The following TACR3 variants were observed in gnomAD, a reference collection of about 807,000 sequenced individuals.
The protein encoded by TACR3 is neuromedin-K receptor.
A neutral mutation model predicts 35.0 loss-of-function variants in TACR3; 34 were observed. The ratio of observed to expected loss-of-function variants is 0.97; its 90% CI spans 0.74 to 1.30. The LOEUF (loss-of-function observed/expected upper bound fraction) is 1.30. Ranked by LOEUF, TACR3 falls within the 50% of genes most tolerant of loss-of-function variation. The pLI is 0.00. For synonymous variants in TACR3, 233 were observed against 221.1 expected, an observed-to-expected ratio of 1.05 and a Z score of -0.48; for missense variants, 558 against 591.7, an observed-to-expected ratio of 0.94 and a Z score of 0.59.
chr4:103,669,561 T>C (rs61230422), intron 1 of TACR3, among the ~76,000 whole-genome samples: 2 of 152,110 alleles, frequency 1.3e-5, no homozygotes, highest in Non-Finnish European at 2.9e-5. Context: ...TGATATCTCA[T>C]TGTGGCTTTA....
intron 1 of TACR3, among the ~76,000 whole-genome samples, chr4:103,683,597 A>T (rs1722154349): frequency 6.6e-6 from 1 of 151,806 alleles, no homozygotes; most frequent in Non-Finnish European, 1.5e-5. Context: ...ACATATATAA[A>T]TAGATAAAAT....
rs946896390 is a variant in TACR3, at chr4:103,656,445, T to A, written c.738-101A>T. 4.5e-6 allele frequency: 5 copies of A among 1,110,052 alleles called. No individual in the cohort carries two copies. The South Asian group carries it at 5.1e-5, about 11-fold the overall frequency. 68.8% of individuals were successfully genotyped at this position (1,110,052 alleles called of 1,614,324 possible). A position where few individuals can be genotyped will look rare whatever the true frequency, so the allele number is the denominator to read the frequency against. On this transcript the variant is annotated intron_variant, in intron 2 of 4. Transcript: ENST00000304883. ...AAATCATAATTAAAACTACCAAGAG[T>A]TATTTCTACATTATCTCTATACATT... is the stretch of plus-strand genomic sequence containing the variant.
chr4:103,599,589 G>C (rs960378066), intron 3 of TACR3, among the ~76,000 whole-genome samples: 2 of 152,122 alleles, frequency 1.3e-5, no homozygotes, highest in African/African-American at 4.8e-5. Context: ...TTGGCTGTGG[G>C]TTTGTCATAG....
intron 3 of TACR3, among the ~76,000 whole-genome samples, chr4:103,624,063 T>C (rs1234029197): frequency 3.3e-5 from 5 of 152,208 alleles, no homozygotes; most frequent in African/African-American, 4.8e-5. Flanking sequence ...ATTTCATACT[T>C]GATTGTCTGC....
intron 1 of TACR3, among the ~76,000 whole-genome samples, chr4:103,695,986 TC>T (rs1398076414): frequency 6.6e-6 from 1 of 152,138 alleles, no homozygotes; most frequent in African/African-American, 2.4e-5. Flanking sequence ...CTGTTTTCTT[TC>T]TCCCTTTTTT....
At chr4:103,609,795 C>T (rs1388825329) in intron 3 of TACR3, among the ~76,000 whole-genome samples, 1 of 152,052 alleles carries the variant, frequency 6.6e-6, no homozygotes, top group East Asian at 1.9e-4. Flanking sequence ...AACCACTATT[C>T]TACTAGTGAT....
chr4:103,712,460 T>C (rs1302131981), intron 1 of TACR3, among the ~76,000 whole-genome samples: 1 of 152,158 alleles, frequency 6.6e-6, no homozygotes, highest in African/African-American at 2.4e-5. Context: ...TTACACCTTA[T>C]ACAAAAATTA....
At chr4:103,695,399 A>C (rs1388372340) in intron 1 of TACR3, among the ~76,000 whole-genome samples, 1 of 152,164 alleles carries the variant, frequency 6.6e-6, no homozygotes, top group Non-Finnish European at 1.5e-5. Flanking sequence ...CTACTCAACA[A>C]GATGATGAGA....
intron 3 of TACR3, among the ~76,000 whole-genome samples, chr4:103,607,258 G>T (rs1724397191): frequency 1.3e-5 from 2 of 152,060 alleles, no homozygotes; most frequent in Admixed American, 6.6e-5. Flanking sequence ...CATTGCCTAT[G>T]CATTATTCAT....
chr4:103,700,718 C>G (rs1227163675), intron 1 of TACR3, among the ~76,000 whole-genome samples: 1 of 152,186 alleles, frequency 6.6e-6, no homozygotes, highest in African/African-American at 2.4e-5. Flanking sequence ...AAGTGGGCTT[C>G]ATCCCTGGGA....
intron 1 of TACR3, among the ~76,000 whole-genome samples, chr4:103,691,245 C>T (rs1722396505): frequency 6.6e-6 from 1 of 152,122 alleles, no homozygotes; most frequent in South Asian, 2.1e-4. Flanking sequence ...AGCAGCCATA[C>T]AGTGGAATAC....
chr4:103,642,436 G>C (rs1725374730), intron 3 of TACR3, among the ~76,000 whole-genome samples: 1 of 151,546 alleles, frequency 6.6e-6, no homozygotes, highest in Non-Finnish European at 1.5e-5. Flanking sequence ...AAATACTGAA[G>C]AAAACGTGGT....
Position 103,589,464 on chromosome 4 carries a change from G to T in TACR3, c.*218C>A. 5 of 540,344 alleles carry T rather than the reference G, an allele frequency of 9.3e-6. No individual in the cohort carries two copies. The highest frequency in any genetic ancestry group is 1.3e-5 in the Non-Finnish European group (4 of 305,908). The allele number at this position is 540,344 out of a possible 1,614,324, so 33.5% of individuals were successfully genotyped here. The stretch of plus-strand genomic sequence containing the variant: ...CATATAATAATTTAGAGTTTTCAAA[G>T]AATAAATTTAAAGCCCATTTTATTT... On this transcript the variant is annotated 3_prime_UTR_variant, in exon 5 of 5. Coordinates refer to ENST00000304883, the MANE Select transcript of TACR3 (RefSeq NM_001059.3).
At chr4:103,590,852 C>G (rs75107746) in intron 4 of TACR3, among the ~76,000 whole-genome samples, 1 of 152,182 alleles carries the variant, frequency 6.6e-6, no homozygotes, top group Non-Finnish European at 1.5e-5. Context: ...TCTAGTCTTA[C>G]ATTTGACTAC....
intron 3 of TACR3, among the ~76,000 whole-genome samples, chr4:103,639,302 G>A (rs1289857875): frequency 6.6e-6 from 1 of 152,094 alleles, no homozygotes; most frequent in Non-Finnish European, 1.5e-5. Flanking sequence ...TGACATGGAT[G>A]AAACTGGAAA....
chr4:103,683,771 T>C (rs142401285), intron 1 of TACR3, among the ~76,000 whole-genome samples: 39 of 150,338 alleles, frequency 2.6e-4, no homozygotes, highest in African/African-American at 7.1e-4. Flanking sequence ...TCCTACATAA[T>C]TGAAAAGTAG....
At chr4:103,711,532 A>G (rs1465597413) in intron 1 of TACR3, among the ~76,000 whole-genome samples, 1 of 152,206 alleles carries the variant, frequency 6.6e-6, no homozygotes, top group African/African-American at 2.4e-5. Flanking sequence ...CCCACAGCAC[A>G]TATCATAATG....
At chr4:103,638,015 A>C (rs547498799) in intron 3 of TACR3, among the ~76,000 whole-genome samples, 111 of 152,218 alleles carry the variant, frequency 7.3e-4, no homozygotes, top group African/African-American at 2.0e-3. Context: ...CCATACTGCC[A>C]AAGGTAATTT....
chr4:103,614,882 G>GTTTTTTTTTTT (rs1325226834), intron 3 of TACR3, among the ~76,000 whole-genome samples: 3 of 90,872 alleles, frequency 3.3e-5, no homozygotes, highest in East Asian at 4.1e-4. Context: ...GATTATGAAT[G>GTTTTTTTTTTT]TGTTTTTTTT....
Sources: gnomAD v4.1 joint callset for allele counts (sites outside exome capture counted in the v4.1 genomes callset) on GRCh38, gnomAD v4.1.1 for gene constraint, MANE v1.5 for transcripts, NCBI Gene and HGNC (gene_info 2026-07-23, HGNC 2026-07-21) for gene names.